Variants in ELMO2 observed in about 807,000 individuals in gnomAD.
ELMO2 encodes the protein engulfment and cell motility 2, also known as engulfment and cell motility protein 2.
A neutral mutation model predicts 96.2 loss-of-function variants in ELMO2; 37 were observed. That is an observed-to-expected ratio of 0.38 (90% CI 0.30 to 0.51). The LOEUF (loss-of-function observed/expected upper bound fraction) is 0.51, where lower values mean the gene tolerates loss of function less well. ELMO2 is among the 20% of genes least tolerant of loss of function. ELMO2 has a pLI of 0.88. For missense variants in ELMO2, 561 were observed against 912.6 expected, an observed-to-expected ratio of 0.61 and a Z score of 4.96; for synonymous variants, 315 against 329.4, an observed-to-expected ratio of 0.96 and a Z score of 0.47.
Position 46,375,912 on chromosome 20 carries a change from A to G in ELMO2, c.808-122T>C. 4 of 1,321,212 alleles carry G rather than the reference A, an allele frequency of 3.0e-6. No homozygotes were observed. The highest frequency in any genetic ancestry group is 4.1e-6 in the Non-Finnish European group (4 of 966,084). 81.8% of individuals were successfully genotyped at this position (1,321,212 alleles called of 1,614,324 possible). On this transcript the variant is annotated intron_variant, in intron 11 of 21. Transcript: ENST00000290246. The surrounding 1 kb of genome is among the most constrained non-coding windows in gnomAD (Gnocchi z 4.6). Reference sequence around the variant, plus strand: ...GAACAGAGCTTTCCTCCCACACACGAGGACTTCATATTCTAGAAGGCGATG... The same window carrying G: ...GAACAGAGCTTTCCTCCCACACACGGGGACTTCATATTCTAGAAGGCGATG...
At chr20:46,387,646 AAAAAAAAT>A in intron 7 of ELMO2, 23 of 230,792 alleles carry the variant, frequency 1.0e-4, no homozygotes, top group South Asian at 9.7e-4. Context: ...AAAAAAAAAA[AAAAAAAAT>A]GTTGCTGGGT....
chr20:46,376,918 AC>A, intron 11 of ELMO2: 2 of 881,504 alleles, frequency 2.3e-6, no homozygotes, highest in Non-Finnish European at 3.1e-6. Flanking sequence ...CCTTAGTTGC[AC>A]CAGCCACATT....
intron 7 of ELMO2, among the ~76,000 whole-genome samples, chr20:46,388,341 T>C (rs1280960819): frequency 1.3e-5 from 2 of 152,218 alleles, no homozygotes; most frequent in African/African-American, 4.8e-5. Flanking sequence ...TCGATTTGGC[T>C]AACAATTTCA....
intron 9 of ELMO2, 111 bp from the exon 10 acceptor site, chr20:46,383,605 G>GGA: frequency 3.8e-6 from 4 of 1,064,616 alleles, no homozygotes; most frequent in Non-Finnish European, 5.7e-6. Context: ...ATAATGATCT[G>GGA]GAGCTCAGTC....
At chr20:46,397,847 G>T (rs2060272985) in intron 2 of ELMO2, among the ~76,000 whole-genome samples, 1 of 152,156 alleles carries the variant, frequency 6.6e-6, no homozygotes, top group Non-Finnish European at 1.5e-5. Flanking sequence ...CCTTTCAGAG[G>T]AAGTGATTCT....
chr20:46,368,686 C>T (rs1425468727), intron 21 of ELMO2, among the ~76,000 whole-genome samples: 1 of 48,128 alleles, frequency 2.1e-5, no homozygotes, highest in Admixed American at 2.9e-4. Context: ...CCTGCTGCTT[C>T]ATCTGGGTGC....
chr20:46,368,083 G>A (rs569639739), intron 21 of ELMO2, among the ~76,000 whole-genome samples: 10 of 152,168 alleles, frequency 6.6e-5, no homozygotes, highest in African/African-American at 9.6e-5. Flanking sequence ...TGATCCCACC[G>A]CTCCCTGACT....
chr20:46,387,042 CAG>C (rs2060058113), intron 8 of ELMO2, among the ~76,000 whole-genome samples: 1 of 152,102 alleles, frequency 6.6e-6, no homozygotes, highest in Non-Finnish European at 1.5e-5. Flanking sequence ...TCAAAAGACT[CAG>C]GGCTAGTACT....
intron 11 of ELMO2, among the ~76,000 whole-genome samples, chr20:46,379,453 G>A (rs1478636615): frequency 6.6e-6 from 1 of 152,084 alleles, no homozygotes; most frequent in Non-Finnish European, 1.5e-5. Context: ...CCTCCCTCAG[G>A]TACCCCTTAG....
intron 2 of ELMO2, among the ~76,000 whole-genome samples, chr20:46,396,435 A>G (rs566936380): frequency 5.1e-4 from 78 of 152,356 alleles, no homozygotes; most frequent in African/African-American, 1.9e-3. Context: ...TATACATCAT[A>G]TAAATATACA....
intron 11 of ELMO2, among the ~76,000 whole-genome samples, chr20:46,378,532 C>T (rs1211973651): frequency 1.3e-5 from 2 of 152,206 alleles, no homozygotes; most frequent in South Asian, 4.1e-4. Flanking sequence ...TGTGTGGGAA[C>T]CTGTGTACTC....
intron 1 of ELMO2, among the ~76,000 whole-genome samples, chr20:46,406,259 GCCCAGCCCCC>G (rs1205744787): frequency 6.6e-6 from 1 of 151,162 alleles, no homozygotes; most frequent in African/African-American, 2.4e-5. Flanking sequence ...CCGCTGCCCA[GCCCAGCCCCC>G]GTGCCTGACT....
At chr20:46,369,404 A>C (rs1310712853) in intron 20 of ELMO2, 1 of 157,822 alleles carries the variant, frequency 6.3e-6, no homozygotes, top group Admixed American at 6.2e-5. Context: ...GATACCAAGG[A>C]ACTAACTCAT....
At chr20:46,378,508 A>C (rs1166211530) in intron 11 of ELMO2, among the ~76,000 whole-genome samples, 1 of 152,162 alleles carries the variant, frequency 6.6e-6, no homozygotes, top group Non-Finnish European at 1.5e-5. Flanking sequence ...GCTGCTCAGG[A>C]GTGTAGGCAG....
intron 15 of ELMO2, 150 bp from the exon 16 acceptor site, chr20:46,373,685 G>C (rs991468758): frequency 1.0e-6 from 1 of 980,052 alleles, no homozygotes; most frequent in Non-Finnish European, 1.5e-6. Flanking sequence ...CGTTTCTCAC[G>C]TCCTTAGCTT....
intron 3 of ELMO2, 121 bp from the exon 4 acceptor site, chr20:46,394,210 G>T (rs912062404): frequency 2.6e-6 from 3 of 1,153,010 alleles, no homozygotes; most frequent in Non-Finnish European, 3.8e-6. Flanking sequence ...TTTCCTAACA[G>T]CTTTTGTTGA....
In ELMO2 at chr20:46,387,030, G is replaced by A. The variant is rs571596604; in HGVS notation, c.525+308C>T. Among the ~76,000 whole-genome samples the A allele has an allele frequency of 3.4e-4, 51 of 152,192 alleles. No individual in the cohort carries two copies. The South Asian group carries it at 7.3e-3, about 22-fold the overall frequency. On this transcript the variant is annotated intron_variant, in intron 8 of 21. Transcript: ENST00000290246. ...AAAAGAAGAGAGAGCTCAGGAAGTC[G>A]GTCAAAAGACTCAGGGCTAGTACTG...
chr20:46,374,707 G>A (rs2059819957), intron 13 of ELMO2, 67 bp from the exon 14 acceptor site: 4 of 1,373,836 alleles, frequency 2.9e-6, no homozygotes, highest in Non-Finnish European at 4.1e-6. Context: ...CTGAGGGGAT[G>A]CCCTCTCGCC....
chr20:46,380,109 T>C (rs1176566609), intron 11 of ELMO2, 144 bp downstream of exon 11: 2 of 663,058 alleles, frequency 3.0e-6, no homozygotes, highest in East Asian at 3.0e-5. Context: ...GAAAAAGCTA[T>C]TCAGTTCAAG....
Sources: allele counts gnomAD v4.1 joint callset (sites outside exome capture counted in the v4.1 genomes callset), GRCh38; gene constraint gnomAD v4.1.1; non-coding constraint Gnocchi (gnomAD v3.1); transcripts MANE v1.5; gene names NCBI Gene and HGNC (gene_info 2026-07-23, HGNC 2026-07-21).